Variants in KAZN observed in about 807,000 individuals in gnomAD.
The protein encoded by KAZN is kazrin, periplakin interacting protein, also known as kazrin.
Under a neutral mutation model 87.4 loss-of-function variants are expected in KAZN, and 40 were observed. The ratio of observed to expected loss-of-function variants is 0.46; its 90% CI spans 0.36 to 0.60. The LOEUF (loss-of-function observed/expected upper bound fraction) is 0.60. Among genes scored for constraint, KAZN ranks in the 20% least tolerant of loss-of-function variants. The pLI is 0.00. For missense variants in KAZN, 898 were observed against 1,073.9 expected (o/e 0.84, Z 2.29); for synonymous variants, 466 against 458.3 (o/e 1.02, Z -0.22).
intron 2 of KAZN, among the ~76,000 whole-genome samples, chr1:14,978,523 G>C (rs1473425152): frequency 6.6e-6 from 1 of 152,208 alleles, no homozygotes; most frequent in East Asian, 1.9e-4. Flanking sequence ...GGATCTTGCA[G>C]ACCGACCTGG....
Position 14,399,759 on chromosome 1 carries a change from C to T in KAZN, c.250-199224C>T, listed in dbSNP as rs116017912. Among the ~76,000 whole-genome samples, 1,409 of 152,216 alleles carry T rather than the reference C, an allele frequency of 9.3e-3. 17 individuals carry two copies. The highest frequency in any genetic ancestry group is 0.032 in the African/African-American group (1,328 of 41,524). On this transcript the variant is annotated intron_variant, in intron 2 of 16. Coordinates refer to the KAZN transcript ENST00000636203. Reference sequence around the variant, plus strand: ...CAAAACCCCTACCTGTGCTTCAAAGCCGTCGTGCTCGATGCCATCTCTCAG... The same window carrying T: ...CAAAACCCCTACCTGTGCTTCAAAGTCGTCGTGCTCGATGCCATCTCTCAG...
chr1:15,072,360 A>G (rs1274524452), intron 8 of KAZN, among the ~76,000 whole-genome samples: 1 of 152,188 alleles, frequency 6.6e-6, no homozygotes. Context: ...GTCTGTGAAC[A>G]CCAGCCCTCA....
At chr1:14,354,428 G>A (rs1162385022) in intron 2 of KAZN, among the ~76,000 whole-genome samples, 1 of 152,076 alleles carries the variant, frequency 6.6e-6, no homozygotes, top group Non-Finnish European at 1.5e-5. Context: ...CAAAGAATTT[G>A]TATTCAGAAT....
chr1:14,980,051 G>T (rs561036271), intron 2 of KAZN, among the ~76,000 whole-genome samples: 1 of 151,928 alleles, frequency 6.6e-6, no homozygotes, highest in African/African-American at 2.4e-5. Context: ...ACCACACCTG[G>T]CTAATTTTTG....
intron 2 of KAZN, among the ~76,000 whole-genome samples, chr1:14,430,212 CCAAA>C (rs1665969890): frequency 8.1e-6 from 1 of 124,018 alleles, no homozygotes; most frequent in Non-Finnish European, 1.7e-5. Flanking sequence ...TGCCCTGCAA[CCAAA>C]AAAAAAAAAA....
At chr1:14,396,777 A>C (rs1662934676) in intron 2 of KAZN, among the ~76,000 whole-genome samples, 1 of 152,212 alleles carries the variant, frequency 6.6e-6, no homozygotes, top group Admixed American at 6.5e-5. Flanking sequence ...AAGCCACTCA[A>C]TTTAAGCCAT....
intron 1 of KAZN, among the ~76,000 whole-genome samples, chr1:14,682,940 C>T (rs753248566): frequency 1.6e-4 from 24 of 152,228 alleles, no homozygotes; most frequent in Non-Finnish European, 3.2e-4. Context: ...TAAAAATCCT[C>T]TCTCCTTTTC....
At chr1:14,896,852 T>C (rs1655332195) in intron 1 of KAZN, among the ~76,000 whole-genome samples, 2 of 152,058 alleles carry the variant, frequency 1.3e-5, no homozygotes, top group Non-Finnish European at 2.9e-5. Flanking sequence ...AAAGGAAGAT[T>C]TGGGGTGCAA....
intron 1 of KAZN, among the ~76,000 whole-genome samples, chr1:14,006,499 G>C (rs1570508264): frequency 6.6e-6 from 1 of 152,246 alleles, no homozygotes; most frequent in South Asian, 2.1e-4. Flanking sequence ...TTTAAGTCTT[G>C]AATTCATTTT....
intron 1 of KAZN, among the ~76,000 whole-genome samples, chr1:14,033,950 AG>A (rs1428089701): frequency 1.3e-5 from 2 of 152,246 alleles, no homozygotes; most frequent in Non-Finnish European, 2.9e-5. Flanking sequence ...AGCTGAGACC[AG>A]CAGACTGGCA....
intron 2 of KAZN, among the ~76,000 whole-genome samples, chr1:14,300,723 G>C (rs754954056): frequency 6.6e-6 from 1 of 152,182 alleles, no homozygotes; most frequent in Non-Finnish European, 1.5e-5. Context: ...GACAGGTTAG[G>C]TTTATATGCA....
At chr1:14,521,848 G>T (rs954440178) in intron 2 of KAZN, among the ~76,000 whole-genome samples, 20 of 152,106 alleles carry the variant, frequency 1.3e-4, no homozygotes, top group Non-Finnish European at 2.2e-4. Flanking sequence ...ATTATTTTTG[G>T]CAAATGTACA....
chr1:14,001,719 T>C (rs1639800385), intron 1 of KAZN, among the ~76,000 whole-genome samples: 1 of 152,170 alleles, frequency 6.6e-6, no homozygotes, highest in Non-Finnish European at 1.5e-5. Context: ...AACCATCTGA[T>C]CTTCGACAAA....
intron 1 of KAZN, among the ~76,000 whole-genome samples, chr1:13,961,184 C>T (rs983255501): frequency 6.6e-6 from 1 of 152,106 alleles, no homozygotes; most frequent in Non-Finnish European, 1.5e-5. Context: ...CTGGGGTTCG[C>T]GTGTGTGTGG....
intron 1 of KAZN, among the ~76,000 whole-genome samples, chr1:14,782,097 C>A (rs138226426): frequency 6.6e-6 from 1 of 152,238 alleles, no homozygotes; most frequent in South Asian, 2.1e-4. Context: ...ATAAAGAATG[C>A]CATATATGTG....
At chr1:13,995,800 A>G (rs1278318398) in intron 1 of KAZN, among the ~76,000 whole-genome samples, 2 of 152,182 alleles carry the variant, frequency 1.3e-5, no homozygotes, top group African/African-American at 2.4e-5. Flanking sequence ...CAGCCTGCAG[A>G]CAGCCTATTG....
At chr1:14,934,526 G>A (rs552149647) in intron 1 of KAZN, among the ~76,000 whole-genome samples, 20 of 152,198 alleles carry the variant, frequency 1.3e-4, no homozygotes, top group Non-Finnish European at 2.5e-4. Flanking sequence ...TAGCATATTT[G>A]TGACTGCTAA....
intron 1 of KAZN, among the ~76,000 whole-genome samples, chr1:14,670,534 C>T (rs1051547259): frequency 1.1e-4 from 17 of 152,164 alleles, no homozygotes; most frequent in Admixed American, 3.9e-4. Context: ...ACCTGGGGAG[C>T]AGGTGAAAGC....
intron 2 of KAZN, among the ~76,000 whole-genome samples, chr1:14,559,825 T>G (rs570620553): frequency 6.6e-6 from 1 of 152,322 alleles, no homozygotes; most frequent in Non-Finnish European, 1.5e-5. Flanking sequence ...GTGACCTTGA[T>G]GAAGTCACTC....
Sources: allele counts gnomAD v4.1 joint callset (sites outside exome capture counted in the v4.1 genomes callset), GRCh38; gene constraint gnomAD v4.1.1; transcripts MANE v1.5; gene names NCBI Gene and HGNC (gene_info 2026-07-23, HGNC 2026-07-21).